Variants in AGPS observed in about 807,000 individuals in gnomAD.
The protein encoded by AGPS is alkyldihydroxyacetonephosphate synthase, peroxisomal.
AGPS carries 26 observed loss-of-function variants against 90.7 expected under a neutral mutation model. The observed-to-expected ratio is 0.29, with a 90% CI of 0.21 to 0.40. AGPS has a LOEUF of 0.40. Among genes scored for constraint, AGPS ranks in the 10% least tolerant of loss-of-function variants. AGPS has a pLI of 1.00. For missense variants in AGPS, 540 were observed against 816.1 expected (o/e 0.66, Z 4.12); for synonymous variants, 294 against 285.3 (o/e 1.03, Z -0.31).
At chr2:177,522,928 G>A (rs1280665467) in intron 18 of AGPS, among the ~76,000 whole-genome samples, 1 of 152,168 alleles carries the variant, frequency 6.6e-6, no homozygotes, top group Non-Finnish European at 1.5e-5. Context: ...CGAATCATTA[G>A]GAACTGAAGG....
intron 10 of AGPS, among the ~76,000 whole-genome samples, chr2:177,480,223 C>CCCT (rs1687903712): frequency 6.6e-6 from 1 of 152,148 alleles, no homozygotes; most frequent in Non-Finnish European, 1.5e-5. Context: ...AATCCCATTA[C>CCCT]TGGGTATATA....
intron 18 of AGPS, among the ~76,000 whole-genome samples, chr2:177,522,996 T>A (rs1689245160): frequency 6.6e-6 from 1 of 152,234 alleles, no homozygotes; most frequent in South Asian, 2.1e-4. Context: ...TATATTTTGT[T>A]ACAAGTGTTT....
In AGPS at chr2:177,392,943, GC is replaced by G; in HGVS notation, c.155del (p.Ala52ValfsTer2). 1 of 1,550,106 alleles carries G rather than the reference GC, an allele frequency of 6.5e-7. No individual in the cohort carries two copies. Among genetic ancestry groups the G allele is most frequent in the Non-Finnish European group, 8.7e-7 (1 of 1,146,714 alleles). Reference protein sequence around the residue: ...SGHLLGRPREALSTNECKARR... With the variant: ...SGHLLGRPREXLSTNECKARR... ...CCATCTGCTGGGCCGGCCCCGGGAG[GC>G]TCTGAGTACCAATGAGTGCAAAGCG... On this transcript the variant is annotated frameshift_variant, in exon 1 of 20. Coordinates refer to ENST00000264167, the MANE Select transcript of AGPS (RefSeq NM_003659.4). LOFTEE classifies it high-confidence loss of function.
At chr2:177,515,451 C>T (rs1039983742) in intron 17 of AGPS, among the ~76,000 whole-genome samples, 3 of 152,020 alleles carry the variant, frequency 2.0e-5, no homozygotes, top group Non-Finnish European at 4.4e-5. Flanking sequence ...GGTAACTTAA[C>T]AGATTTTACC....
intron 12 of AGPS, among the ~76,000 whole-genome samples, chr2:177,495,881 ACTC>A (rs1193694735): frequency 7.0e-6 from 1 of 143,784 alleles, no homozygotes; most frequent in Non-Finnish European, 1.5e-5. Context: ...TCACACCACT[ACTC>A]TCCAGCCTGG....
At chr2:177,407,414 TG>T (rs779378694) in intron 1 of AGPS, among the ~76,000 whole-genome samples, 2 of 152,310 alleles carry the variant, frequency 1.3e-5, no homozygotes, top group South Asian at 2.1e-4. Context: ...AACATAACTC[TG>T]GCATCAGCTT....
intron 19 of AGPS, among the ~76,000 whole-genome samples, chr2:177,535,465 A>G (rs896372821): frequency 6.6e-6 from 1 of 152,152 alleles, no homozygotes; most frequent in Admixed American, 6.5e-5. Flanking sequence ...CCAGCAGTAC[A>G]ACTAAGAATT....
intron 2 of AGPS, 55 bp from the exon 3 acceptor site, chr2:177,434,272 T>C: frequency 7.5e-7 from 1 of 1,336,956 alleles, no homozygotes; most frequent in Non-Finnish European, 1.1e-6. Flanking sequence ...AATTTAAGCT[T>C]TAAATTTAAA....
At chr2:177,446,310 C>T (rs960307593) in intron 8 of AGPS, among the ~76,000 whole-genome samples, 3 of 152,210 alleles carry the variant, frequency 2.0e-5, no homozygotes, top group African/African-American at 4.8e-5. Flanking sequence ...CCCACTACCG[C>T]GCCTGGCTAA....
intron 10 of AGPS, among the ~76,000 whole-genome samples, chr2:177,477,537 T>C (rs1687817497): frequency 1.3e-5 from 2 of 152,264 alleles, no homozygotes; most frequent in South Asian, 2.1e-4. Flanking sequence ...TTTTGGAGTT[T>C]GGATTTTTGG....
rs73979738 is a variant in AGPS, at chr2:177,405,772, C to G, written c.260+12723C>G. 6.2e-3 allele frequency among the ~76,000 whole-genome samples: 922 copies of G among 149,296 alleles called. 11 individuals are homozygous for G. Among genetic ancestry groups the G allele is most frequent in the African/African-American group, 0.021 (873 of 40,738 alleles). ...AAAATCCCTAAGATTAATTTTTAGT[C>G]ATTTCTTCTGCATTTTCTTCCTTAA... On this transcript the variant is annotated intron_variant, in intron 1 of 19. Coordinates refer to ENST00000264167, the MANE Select transcript of AGPS (RefSeq NM_003659.4).
chr2:177,393,201 A>G lies in AGPS; in HGVS notation c.260+152A>G, dbSNP rs1685073941. Reference sequence around the variant, plus strand: ...TAGGGACCCACCTCTCTTTCGAGAGAGTGGACTAGACCCTGGATTCTGTCA... The same window carrying G: ...TAGGGACCCACCTCTCTTTCGAGAGGGTGGACTAGACCCTGGATTCTGTCA... On this transcript the variant is annotated intron_variant, in intron 1 of 19. Coordinates refer to ENST00000264167, the MANE Select transcript of AGPS (RefSeq NM_003659.4). 3.2e-6 allele frequency: 5 copies of G among 1,538,482 alleles called. No individual in the cohort carries two copies. In the East Asian group the frequency reaches 1.2e-4, roughly 38 times the overall value.
At chr2:177,406,368 A>G (rs1224291695) in intron 1 of AGPS, among the ~76,000 whole-genome samples, 2 of 152,236 alleles carry the variant, frequency 1.3e-5, no homozygotes, top group African/African-American at 4.8e-5. Flanking sequence ...TAGATATATA[A>G]AAGATATGAT....
At chr2:177,501,069 T>A (rs1320043306) in intron 14 of AGPS, among the ~76,000 whole-genome samples, 1 of 152,204 alleles carries the variant, frequency 6.6e-6, no homozygotes, top group Non-Finnish European at 1.5e-5. Context: ...AAACCTACTC[T>A]AGCCTTAAAT....
rs376828828 is a variant in AGPS, at chr2:177,415,112, A to T, written c.261-5157A>T. Among the ~76,000 whole-genome samples, 6 of 152,084 alleles carry T rather than the reference A, an allele frequency of 3.9e-5. No individual in the cohort carries two copies. In the East Asian group the frequency reaches 1.2e-3, roughly 29 times the overall value. ...TGTTTACCACTGTTTTAAACATTTC[A>T]TCGTGTTTCTATATGCATATCTATT... On this transcript the variant is annotated intron_variant, in intron 1 of 19. Transcript: ENST00000264167.
At chr2:177,436,207 C>T (rs1174887541) in intron 3 of AGPS, among the ~76,000 whole-genome samples, 1 of 130,696 alleles carries the variant, frequency 7.7e-6, no homozygotes, top group Non-Finnish European at 1.5e-5. Context: ...TCTGGAGTGC[C>T]GTGGTACAAT....
chr2:177,420,472 A>G, intron 2 of AGPS, 114 bp downstream of exon 2: 1 of 800,952 alleles, frequency 1.2e-6, no homozygotes, highest in Non-Finnish European at 2.1e-6. Flanking sequence ...CATTATCAAC[A>G]TTTTGCCATA....
At chr2:177,490,495 C>A (rs1478515642) in intron 11 of AGPS, among the ~76,000 whole-genome samples, 3 of 151,982 alleles carry the variant, frequency 2.0e-5, no homozygotes, top group South Asian at 2.1e-4. Context: ...TAAAAAAATT[C>A]TTTAGCTTAT....
At chr2:177,454,267 C>G (rs1160054841) in intron 8 of AGPS, among the ~76,000 whole-genome samples, 1 of 151,710 alleles carries the variant, frequency 6.6e-6, no homozygotes, top group Non-Finnish European at 1.5e-5. Context: ...TCATTTTTTT[C>G]TTTTAGTTCC....
Sources: gnomAD v4.1 joint callset for allele counts (sites outside exome capture counted in the v4.1 genomes callset) on GRCh38, gnomAD v4.1.1 for gene constraint, MANE v1.5 for transcripts, NCBI Gene and HGNC (gene_info 2026-07-23, HGNC 2026-07-21) for gene names.